Variants in CYB5A observed in about 807,000 individuals in gnomAD.
CYB5A encodes the protein cytochrome b5 type A.
In CYB5A, 10 loss-of-function variants were observed where a neutral mutation model predicts 16.2. The observed-to-expected ratio is 0.62, with a 90% CI of 0.38 to 1.04. The LOEUF (loss-of-function observed/expected upper bound fraction) is 1.04. CYB5A is among the 50% of genes least tolerant of loss of function. The pLI, the probability that CYB5A is intolerant of heterozygous loss-of-function variation, is 0.01. For synonymous variants in CYB5A, 62 were observed against 57.0 expected (o/e 1.09, Z -0.40); for missense variants, 161 against 165.9 (o/e 0.97, Z 0.16).
intron 1 of CYB5A, among the ~76,000 whole-genome samples, chr18:74,269,388 C>T (rs1194374695): frequency 1.3e-5 from 2 of 152,190 alleles, no homozygotes; most frequent in African/African-American, 4.8e-5. Flanking sequence ...GGGCTCAGTC[C>T]CTGGTCCTCA....
intron 2 of CYB5A, 59 bp from the exon 3 acceptor site, chr18:74,261,003 C>A: frequency 7.7e-7 from 1 of 1,297,852 alleles, no homozygotes; most frequent in Non-Finnish European, 1.1e-6. Flanking sequence ...GTACCACTTC[C>A]AAAATGCTGA....
intron 1 of CYB5A, among the ~76,000 whole-genome samples, chr18:74,272,366 C>T (rs964708412): frequency 1.3e-5 from 2 of 152,202 alleles, no homozygotes; most frequent in African/African-American, 4.8e-5. Context: ...AATATGTCTG[C>T]TTTTCCTTTG....
chr18:74,269,910 T>G (rs1790901), intron 1 of CYB5A, among the ~76,000 whole-genome samples: 21,799 of 152,086 alleles, frequency 0.14, 1,659 homozygotes, highest in Admixed American at 0.2. Context: ...GGATCATGCT[T>G]GCGTAGTCTA....
chr18:74,281,743 CTGTGTGTGTGTGTGTG>C (rs112934460), intron 1 of CYB5A, among the ~76,000 whole-genome samples: 1 of 138,746 alleles, frequency 7.2e-6, no homozygotes, highest in East Asian at 2.1e-4. Flanking sequence ...TCAAGGGAGG[CTGTGTGTGTGTGTGTG>C]TGTGTGTGTA....
intron 3 of CYB5A, chr18:74,258,908 C>G (rs1327409853): frequency 3.9e-5 from 6 of 152,322 alleles, no homozygotes; most frequent in Admixed American, 3.9e-4. Flanking sequence ...TTTTGGGAGG[C>G]TGAAGCAGGC....
At chr18:74,256,099 C>T (rs558140523) in intron 3 of CYB5A, 27 of 293,656 alleles carry the variant, frequency 9.2e-5, no homozygotes, top group East Asian at 7.7e-4. Context: ...TTCATGTTCA[C>T]ATACACACAA....
chr18:74,282,451 CTG>C (rs1268007785), intron 1 of CYB5A, among the ~76,000 whole-genome samples: 3 of 152,206 alleles, frequency 2.0e-5, no homozygotes, highest in African/African-American at 7.2e-5. Context: ...GGGCTCGTAT[CTG>C]TTCCTCCACC....
chr18:74,286,394 T>C (rs1599268951), intron 1 of CYB5A, among the ~76,000 whole-genome samples: 1 of 152,262 alleles, frequency 6.6e-6, no homozygotes, highest in African/African-American at 2.4e-5. Flanking sequence ...GTTTACTAGT[T>C]AACACTATAA....
rs1393108219 is a variant in CYB5A, at chr18:74,252,010, T to C, written c.*1574A>G. The C allele has an allele frequency of 6.6e-6, 1 of 152,224 alleles. No individual in the cohort carries two copies. The highest frequency in any genetic ancestry group is 1.5e-5 in the Non-Finnish European group (1 of 68,040). 9.4% of individuals were successfully genotyped at this position (152,224 alleles called of 1,614,324 possible). On this transcript the variant is annotated 3_prime_UTR_variant, in exon 5 of 5. Coordinates refer to ENST00000340533, the MANE Select transcript of CYB5A (RefSeq NM_148923.4). ...AAAACTACTAAAATGTGAAGCTTTATAGCTAAAAATCACAACCAAAAATAT... is the reference window on the plus strand; with the variant it reads ...AAAACTACTAAAATGTGAAGCTTTACAGCTAAAAATCACAACCAAAAATAT...
chr18:74,270,466 A>G (rs910293579), intron 1 of CYB5A, among the ~76,000 whole-genome samples: 1 of 152,116 alleles, frequency 6.6e-6, no homozygotes, highest in Non-Finnish European at 1.5e-5. Flanking sequence ...GTGTCCCCAC[A>G]CTATTGCCTT....
chr18:74,270,630 G>C (rs1982633593), intron 1 of CYB5A, among the ~76,000 whole-genome samples: 1 of 152,094 alleles, frequency 6.6e-6, no homozygotes, highest in African/African-American at 2.4e-5. Context: ...ACATGAGCAG[G>C]CTTCTTTTCT....
At chr18:74,280,188 C>T (rs1983039368) in intron 1 of CYB5A, among the ~76,000 whole-genome samples, 1 of 152,062 alleles carries the variant, frequency 6.6e-6, no homozygotes, top group African/African-American at 2.4e-5. Context: ...GGGGAATAAC[C>T]TTCCAGTGCA....
intron 1 of CYB5A, among the ~76,000 whole-genome samples, chr18:74,288,190 G>A (rs1470830708): frequency 6.6e-6 from 1 of 152,198 alleles, no homozygotes; most frequent in Non-Finnish European, 1.5e-5. Flanking sequence ...GGAGGTCGGA[G>A]CACATGCTGC....
In CYB5A at chr18:74,253,564, G is replaced by C. The variant is rs774890553; in HGVS notation, c.*20C>G. ...CGTGTCCAAAGCAGGCTCTTCCTGC[G>C]CTGACTTCTGAGGAGGTGTTCAGTC... On this transcript the variant is annotated 3_prime_UTR_variant, in exon 5 of 5. Coordinates refer to ENST00000340533, the MANE Select transcript of CYB5A (RefSeq NM_148923.4). 2 of 1,568,482 alleles carry C rather than the reference G, an allele frequency of 1.3e-6. No homozygotes were observed. Among genetic ancestry groups the C allele is most frequent in the Non-Finnish European group, 1.8e-6 (2 of 1,139,538 alleles).
intron 1 of CYB5A, among the ~76,000 whole-genome samples, chr18:74,264,247 C>A (rs114662893): frequency 6.7e-6 from 1 of 150,102 alleles, no homozygotes; most frequent in Non-Finnish European, 1.5e-5. Context: ...AAGAAAGAAC[C>A]TTTCACTAAC....
At chr18:74,275,058 C>T (rs1034988504) in intron 1 of CYB5A, among the ~76,000 whole-genome samples, 59 of 152,274 alleles carry the variant, frequency 3.9e-4, no homozygotes, top group African/African-American at 1.1e-3. Context: ...CAAAAACCTA[C>T]GGTGGAGAAT....
intron 1 of CYB5A, 123 bp downstream of exon 1, chr18:74,291,624 A>G (rs1983546032): frequency 6.9e-7 from 1 of 1,449,526 alleles, no homozygotes; most frequent in Non-Finnish European, 9.5e-7. Flanking sequence ...CAGGTGAGCG[A>G]ACTCGGGGGG....
intron 2 of CYB5A, chr18:74,261,383 T>G (rs141207866): frequency 0.014 from 2,875 of 212,502 alleles, 33 homozygotes; most frequent in Middle Eastern, 0.024. Context: ...CTATTTCAAC[T>G]TCAGGCTGAA....
chr18:74,266,061 T>C (rs975675722), intron 1 of CYB5A, among the ~76,000 whole-genome samples: 4 of 152,212 alleles, frequency 2.6e-5, no homozygotes, highest in Non-Finnish European at 5.9e-5. Context: ...AAATGTCTTC[T>C]ACTGGGGCCA....
Sources: gnomAD v4.1 joint callset for allele counts (sites outside exome capture counted in the v4.1 genomes callset) on GRCh38, gnomAD v4.1.1 for gene constraint, MANE v1.5 for transcripts, NCBI Gene and HGNC (gene_info 2026-07-23, HGNC 2026-07-21) for gene names.